The following TACC1 variants were observed in gnomAD, a reference collection of about 807,000 sequenced individuals.
TACC1 encodes the protein transforming acidic coiled-coil-containing protein 1.
In TACC1, 48 loss-of-function variants were observed where a neutral mutation model predicts 84.4. That is an observed-to-expected ratio of 0.57 (90% CI 0.45 to 0.72). TACC1 has a LOEUF of 0.72. Ranked by LOEUF, TACC1 falls within the 30% of genes least tolerant of loss-of-function variation. The probability of loss-of-function intolerance (pLI) is 0.00; values close to 1 mark genes in which losing one functional copy is unlikely to be tolerated. For missense variants in TACC1, 920 were observed against 973.0 expected, an observed-to-expected ratio of 0.95 and a Z score of 0.72; for synonymous variants, 372 against 376.3, an observed-to-expected ratio of 0.99 and a Z score of 0.13.
At chr8:38,789,387 C>G (rs1333106940) in intron 2 of TACC1, among the ~76,000 whole-genome samples, 2 of 152,160 alleles carry the variant, frequency 1.3e-5, no homozygotes, top group Admixed American at 1.3e-4. Flanking sequence ...TTAGTAGAAA[C>G]CTTTTTTGTC....
At position 38,731,797 on chromosome 8, in the gene TACC1, A is replaced by T. The variant is rs541253438; in HGVS notation, c.-675+3126A>T. 1.0e-3 allele frequency among the ~76,000 whole-genome samples: 156 copies of T among 152,196 alleles called. 1 individual carries two copies. Among genetic ancestry groups the T allele is most frequent in the African/African-American group, 3.6e-3 (151 of 41,492 alleles). On this transcript the variant is annotated intron_variant, in intron 1 of 14. Transcript: ENST00000518415. ...CTAGTCTTTAGGGTTGGCATTGCCA[A>T]ATTACATCCTTGCATTAAATGAAGT...
chr8:38,790,664 A>G (rs1215942951), intron 2 of TACC1, among the ~76,000 whole-genome samples: 2 of 152,238 alleles, frequency 1.3e-5, no homozygotes, highest in African/African-American at 2.4e-5. Flanking sequence ...TAGGTTGCCT[A>G]GGGAAGTCAA....
intron 6 of TACC1, among the ~76,000 whole-genome samples, chr8:38,832,869 C>G (rs1326855268): frequency 6.6e-6 from 1 of 152,222 alleles, no homozygotes; most frequent in Non-Finnish European, 1.5e-5. Context: ...GATGCGAATT[C>G]TCCACAGCCA....
At chr8:38,766,491 T>C (rs1812283008) in intron 3 of TACC1, among the ~76,000 whole-genome samples, 1 of 152,204 alleles carries the variant, frequency 6.6e-6, no homozygotes. Context: ...CATAAAAACC[T>C]GACGGCATAG....
upstream of TACC1, among the ~76,000 whole-genome samples, chr8:38,786,593 G>A (rs575324619): frequency 2.6e-5 from 4 of 152,174 alleles, no homozygotes; most frequent in African/African-American, 9.6e-5. Context: ...AATCTCACAG[G>A]GAATTTAGTA....
Position 38,851,298 on chromosome 8 carries a change from T to C in TACC1, c.*3275T>C, listed in dbSNP as rs1833055794. ...GTTACCCTTTCAACCTACCCATACT[T>C]TGTACAACTCTTACACAAATACTTA... is the stretch of plus-strand genomic sequence containing the variant. On this transcript the variant is annotated 3_prime_UTR_variant, in exon 13 of 13. Transcript: ENST00000317827. 6.6e-6 allele frequency: 1 copy of C among 152,270 alleles called. No individual in the cohort carries two copies. Among genetic ancestry groups the C allele is most frequent in the East Asian group, 1.9e-4 (1 of 5,210 alleles). 9.4% of individuals were successfully genotyped at this position (152,270 alleles called of 1,614,324 possible). A position where few individuals can be genotyped will look rare whatever the true frequency, so the allele number is the denominator to read the frequency against.
intron 5 of TACC1, among the ~76,000 whole-genome samples, chr8:38,830,906 CCT>C (rs1829085524): frequency 6.6e-6 from 1 of 152,204 alleles, no homozygotes; most frequent in Non-Finnish European, 1.5e-5. Context: ...AGGCTGACGA[CCT>C]GTTTGTGGCT....
intron 1 of TACC1, chr8:38,728,759 T>A (rs1351818020): frequency 6.6e-6 from 1 of 152,172 alleles, no homozygotes; most frequent in Non-Finnish European, 1.5e-5. Flanking sequence ...GGGGCTGAGG[T>A]GTTTCCCTCG....
chr8:38,818,119 C>T (rs1359051148), intron 2 of TACC1, among the ~76,000 whole-genome samples: 4 of 151,530 alleles, frequency 2.6e-5, no homozygotes, highest in East Asian at 1.9e-4. Flanking sequence ...ACTGTGGTCC[C>T]GGTTACTTGG....
At chr8:38,741,179 G>A (rs1240204904) in intron 1 of TACC1, among the ~76,000 whole-genome samples, 25 of 147,706 alleles carry the variant, frequency 1.7e-4, no homozygotes, top group Non-Finnish European at 3.0e-4. Flanking sequence ...TTTTTGAGAC[G>A]GAGTCTCCCT....
At chr8:38,788,548 C>T in intron 1 of TACC1, 156 bp from the exon 2 acceptor site, 2 of 587,516 alleles carry the variant, frequency 3.4e-6, no homozygotes, top group South Asian at 2.1e-5. Context: ...GCTCAGAGAC[C>T]GCAGTTGCCT....
chr8:38,812,386 T>A (rs548193506), intron 2 of TACC1, among the ~76,000 whole-genome samples: 1 of 152,148 alleles, frequency 6.6e-6, no homozygotes, highest in Non-Finnish European at 1.5e-5. Context: ...ATATGTGATG[T>A]CACCCCCGGC....
chr8:38,832,319 G>A (rs546312173), intron 6 of TACC1, among the ~76,000 whole-genome samples: 2 of 152,300 alleles, frequency 1.3e-5, no homozygotes, highest in Admixed American at 6.5e-5. Context: ...GGAAACACGT[G>A]GAAAAGAGAG....
At chr8:38,815,540 C>T (rs866460372) in intron 2 of TACC1, among the ~76,000 whole-genome samples, 6 of 152,080 alleles carry the variant, frequency 3.9e-5, no homozygotes, top group African/African-American at 1.4e-4. Context: ...CTGTTTCAGC[C>T]TCCCAAGAAA....
chr8:38,787,212 C>T (rs1048160102), upstream of TACC1: 14 of 992,914 alleles, frequency 1.4e-5, no homozygotes, highest in East Asian at 1.1e-4. Flanking sequence ...GCAGCTGATG[C>T]GCGCCCCGCC....
chr8:38,757,209 G>GCGCCCCCCCCCCCC lies in TACC1; in HGVS notation c.26+11717_26+11718insGCCCCCCCCCCCCC. The GCGCCCCCCCCCCCC allele has an allele frequency of 7.6e-6, 2 of 262,220 alleles. 1 individual carries two copies. The highest frequency in any genetic ancestry group is 1.5e-5 in the Non-Finnish European group (2 of 132,596). The allele number at this position is 262,220 out of a possible 1,614,324, so 16.2% of individuals were successfully genotyped here. A position where few individuals can be genotyped will look rare whatever the true frequency, so the allele number is the denominator to read the frequency against. On this transcript the variant is annotated intron_variant, in intron 3 of 14. Coordinates refer to the TACC1 transcript ENST00000518415. The stretch of plus-strand genomic sequence containing the variant: ...AGCGGCGGGGACCCTACGGCCGGGC[G>GCGCCCCCCCCCCCC]CCCCACCCCGCCCTCCCTCGCCCCA...
intron 1 of TACC1, among the ~76,000 whole-genome samples, chr8:38,735,206 C>G (rs1028860189): frequency 6.6e-6 from 1 of 152,134 alleles, no homozygotes; most frequent in African/African-American, 2.4e-5. Context: ...TATTCGAAAC[C>G]CTTCATTTCA....
At chr8:38,788,173 C>G (rs1210979980) in intron 1 of TACC1, 1 of 179,576 alleles carries the variant, frequency 5.6e-6, no homozygotes, top group Non-Finnish European at 1.2e-5. Context: ...AAGAAGGTCG[C>G]GTGATGACAG....
chr8:38,807,820 A>T (rs1823119606), intron 2 of TACC1, among the ~76,000 whole-genome samples: 2 of 152,240 alleles, frequency 1.3e-5, no homozygotes, highest in South Asian at 4.1e-4. Flanking sequence ...TGTTTCCCTC[A>T]ATCCTTAAAA....
Sources: allele counts gnomAD v4.1 joint callset (sites outside exome capture counted in the v4.1 genomes callset), GRCh38; gene constraint gnomAD v4.1.1; transcripts MANE v1.5; gene names NCBI Gene and HGNC (gene_info 2026-07-23, HGNC 2026-07-21).